The following CHODL variants were observed in gnomAD, a reference collection of about 807,000 sequenced individuals.
CHODL encodes the protein chondrolectin, also known as transmembrane protein MT75.
CHODL carries 29 observed loss-of-function variants against 34.5 expected under a neutral mutation model. The observed-to-expected ratio is 0.84, with a 90% CI of 0.63 to 1.15. The LOEUF is 1.15. CHODL is among the 50% of genes most tolerant of loss of function. The probability of loss-of-function intolerance (pLI) is 0.00; values close to 1 mark genes in which losing one functional copy is unlikely to be tolerated. For synonymous variants in CHODL, 125 were observed against 116.1 expected, an observed-to-expected ratio of 1.08 and a Z score of -0.49; for missense variants, 332 against 332.5, an observed-to-expected ratio of 1.00 and a Z score of 0.01.
rs762381520 is a variant in CHODL at position 18,107,861 on chromosome 21, G to T, written c.-45+79890G>T. Among the ~76,000 whole-genome samples the T allele has an allele frequency of 4.6e-5, 7 of 152,198 alleles. No individual in the cohort carries two copies. The South Asian group carries it at 1.2e-3, about 27-fold the overall frequency. On this transcript the variant is annotated intron_variant, in intron 2 of 6. Coordinates refer to the CHODL transcript ENST00000400127. ...TGACTATGTGTGTGGATGTAAGACT[G>T]TTTGATTCCCACATGACATCTCATC...
At chr21:18,019,983 C>T (rs541317352) in intron 1 of CHODL, among the ~76,000 whole-genome samples, 2 of 152,234 alleles carry the variant, frequency 1.3e-5, no homozygotes, top group South Asian at 2.1e-4. Flanking sequence ...GCCCAAACTC[C>T]GTGAGTCCAG....
intron 2 of CHODL, among the ~76,000 whole-genome samples, chr21:18,204,549 T>C (rs377464404): frequency 3.4e-4 from 52 of 152,064 alleles, no homozygotes; most frequent in Non-Finnish European, 5.6e-4. Context: ...ATCCGGGAAA[T>C]AGGTAAATAA....
At chr21:17,991,658 ATTTTTT>A (rs35600353) in intron 1 of CHODL, among the ~76,000 whole-genome samples, 2 of 128,406 alleles carry the variant, frequency 1.6e-5, no homozygotes, top group Admixed American at 7.7e-5. Flanking sequence ...AGATTATTTG[ATTTTTT>A]TTTTTTTTTT....
At chr21:18,129,224 AC>A (rs1458686209) in intron 2 of CHODL, among the ~76,000 whole-genome samples, 1 of 152,118 alleles carries the variant, frequency 6.6e-6, no homozygotes, top group Non-Finnish European at 1.5e-5. Flanking sequence ...TTTTAATAAG[AC>A]TAGATATCTT....
At chr21:18,089,349 A>G (rs1568880166) in intron 2 of CHODL, among the ~76,000 whole-genome samples, 1 of 152,060 alleles carries the variant, frequency 6.6e-6, no homozygotes, top group South Asian at 2.1e-4. Context: ...CTTCAGCTTC[A>G]TAACATTTAT....
intron 1 of CHODL, among the ~76,000 whole-genome samples, chr21:17,932,223 A>G (rs1332275190): frequency 6.6e-6 from 1 of 152,238 alleles, no homozygotes; most frequent in Non-Finnish European, 1.5e-5. Flanking sequence ...ATTACTGATC[A>G]TCAGAAAAGT....
chr21:18,016,370 C>T (rs2064074307), intron 1 of CHODL, among the ~76,000 whole-genome samples: 1 of 152,164 alleles, frequency 6.6e-6, no homozygotes, highest in Admixed American at 6.6e-5. Flanking sequence ...TGGTATTGGT[C>T]CTGTGGGTGC....
chr21:18,245,806 T>C (rs977503718), intron 1 of CHODL: 19 of 994,002 alleles, frequency 1.9e-5, no homozygotes, highest in South Asian at 4.6e-5. Flanking sequence ...GGGCATTCGG[T>C]CTTTGTTCTC....
At chr21:18,019,227 G>A (rs992407848) in intron 1 of CHODL, among the ~76,000 whole-genome samples, 4 of 152,026 alleles carry the variant, frequency 2.6e-5, no homozygotes, top group Non-Finnish European at 4.4e-5. Context: ...AAGAATAAAA[G>A]CAGGTATTCT....
rs542343531 is a variant in CHODL at position 18,189,443 on chromosome 21, T to C, written c.-44-67066T>C. Among the ~76,000 whole-genome samples, 8 of 152,240 alleles carry C rather than the reference T, an allele frequency of 5.3e-5. No individual in the cohort carries two copies. In the East Asian group the frequency reaches 1.5e-3, roughly 29 times the overall value. On this transcript the variant is annotated intron_variant, in intron 2 of 6. Coordinates refer to the CHODL transcript ENST00000400127. ...GGCCTTTCAGTCCTATATCACAGCA[T>C]GAAGACCATTTTCATTTAACTTAGT... is the stretch of plus-strand genomic sequence containing the variant.
chr21:18,105,287 C>CA lies in CHODL; in HGVS notation c.-45+77317dup, dbSNP rs1260029598. Among the ~76,000 whole-genome samples, 26 of 152,322 alleles carry CA rather than the reference C, an allele frequency of 1.7e-4. No homozygotes were observed. The East Asian group carries it at 3.5e-3, about 20-fold the overall frequency. ...AGACTGGGACAGCAGTAGTCTGTAGCATTCAGGACCAGCTGTAGCAGAGCA... is the reference window on the plus strand; with the variant it reads ...AGACTGGGACAGCAGTAGTCTGTAGCAATTCAGGACCAGCTGTAGCAGAGCA... On this transcript the variant is annotated intron_variant, in intron 2 of 6. Coordinates refer to the CHODL transcript ENST00000400127.
At chr21:18,195,289 C>T (rs1295198169) in intron 2 of CHODL, among the ~76,000 whole-genome samples, 11 of 152,112 alleles carry the variant, frequency 7.2e-5, no homozygotes, top group African/African-American at 2.7e-4. Context: ...CTCCTGACCT[C>T]GTGATCTGCC....
intron 2 of CHODL, among the ~76,000 whole-genome samples, chr21:18,172,361 T>C (rs140824023): frequency 1.5e-3 from 228 of 152,300 alleles, no homozygotes; most frequent in African/African-American, 5.2e-3. Flanking sequence ...GGTCCAATAA[T>C]GATATTTCTC....
chr21:17,941,865 T>G (rs1357436157), intron 1 of CHODL, among the ~76,000 whole-genome samples: 1 of 152,094 alleles, frequency 6.6e-6, no homozygotes, highest in East Asian at 1.9e-4. Flanking sequence ...CTCTTCTGGG[T>G]CATAGACTGC....
chr21:18,245,355 G>A, intron 1 of CHODL, 53 bp downstream of exon 1: 1 of 1,414,382 alleles, frequency 7.1e-7, no homozygotes. Context: ...GGACCACGGG[G>A]CGCGGCGGGC....
At chr21:18,117,788 A>T (rs2065431650) in intron 2 of CHODL, among the ~76,000 whole-genome samples, 1 of 152,106 alleles carries the variant, frequency 6.6e-6, no homozygotes, top group Non-Finnish European at 1.5e-5. Flanking sequence ...TTGTTATTTT[A>T]AAATTGAATT....
intron 2 of CHODL, among the ~76,000 whole-genome samples, chr21:18,082,283 G>A (rs921271842): frequency 6.6e-6 from 1 of 152,066 alleles, no homozygotes; most frequent in Non-Finnish European, 1.5e-5. Flanking sequence ...ATTTCCTGAG[G>A]CTTCCCAGTC....
chr21:18,037,487 A>G (rs1199391961), intron 2 of CHODL, among the ~76,000 whole-genome samples: 2 of 151,928 alleles, frequency 1.3e-5, no homozygotes, highest in Admixed American at 6.6e-5. Flanking sequence ...TTATAGCACT[A>G]TGAAGTTCTG....
intron 1 of CHODL, among the ~76,000 whole-genome samples, chr21:17,921,061 C>G (rs1457869357): frequency 5.3e-5 from 8 of 152,012 alleles, no homozygotes; most frequent in Admixed American, 5.2e-4. Context: ...GAAACAGGAC[C>G]AATAGGATGG....
Sources: allele counts gnomAD v4.1 joint callset (sites outside exome capture counted in the v4.1 genomes callset), GRCh38; gene constraint gnomAD v4.1.1; transcripts MANE v1.5; gene names NCBI Gene and HGNC (gene_info 2026-07-23, HGNC 2026-07-21).